The following MANBA variants were observed in gnomAD, a reference collection of about 807,000 sequenced individuals.
MANBA encodes mannosidase beta.
In MANBA, 83 loss-of-function variants were observed where a neutral mutation model predicts 111.1. That is an observed-to-expected ratio of 0.75 (90% CI 0.63 to 0.90). MANBA has a LOEUF of 0.90. MANBA is among the 40% of genes least tolerant of loss of function. The pLI, the probability that MANBA is intolerant of heterozygous loss-of-function variation, is 0.00. For missense variants in MANBA, 1,036 were observed against 1,069.0 expected (o/e 0.97, Z 0.43); for synonymous variants, 370 against 378.7 (o/e 0.98, Z 0.27).
chr4:102,685,933 GACTGAA>G (rs1732189502), intron 7 of MANBA, among the ~76,000 whole-genome samples: 2 of 152,066 alleles, frequency 1.3e-5, no homozygotes, highest in East Asian at 3.9e-4. Flanking sequence ...GAAGACTGAA[GACTGAA>G]GACTGAAGGC....
intron 1 of MANBA, among the ~76,000 whole-genome samples, chr4:102,756,137 GTAT>G (rs1655277605): frequency 6.6e-6 from 1 of 152,204 alleles, no homozygotes; most frequent in African/African-American, 2.4e-5. Flanking sequence ...TATACCCAAA[GTAT>G]TATAAATCAT....
In MANBA at chr4:102,723,926, G is replaced by T; in HGVS notation, c.314C>A (p.Thr105Lys). The change falls in exon 3 of 17, where the codon ACG (threonine) becomes AAG (lysine). Residue 105 changes from threonine (T) to lysine (K), a missense_variant. Physicochemically the swap from Thr to Lys is moderately conservative, Grantham distance 78. Coordinates refer to ENST00000647097, the MANE Select transcript of MANBA (RefSeq NM_005908.4). ...TTCATTGAACAGGATTTTTGAAACCGTATCCACTCCCTCAAGAATCAAATT... is the reference window on the plus strand; with the variant it reads ...TTCATTGAACAGGATTTTTGAAACCTTATCCACTCCCTCAAGAATCAAATT... ...KVNLILEGVD[T>K]VSKILFNEVT... 1 of 1,610,390 alleles carries T rather than the reference G, an allele frequency of 6.2e-7. No homozygotes were observed.
At chr4:102,663,176 T>C (rs566233983) in intron 11 of MANBA, 1 of 147,380 alleles carries the variant, frequency 6.8e-6, no homozygotes, top group Non-Finnish European at 1.5e-5. Flanking sequence ...ATTTTAACTT[T>C]AAAAAAAAAA....
At chr4:102,742,892 C>T (rs1433583576) in intron 1 of MANBA, among the ~76,000 whole-genome samples, 1 of 149,874 alleles carries the variant, frequency 6.7e-6, no homozygotes, top group African/African-American at 2.5e-5. Flanking sequence ...GGCTCAGTGT[C>T]GGTCTCTGCT....
intron 1 of MANBA, among the ~76,000 whole-genome samples, chr4:102,754,319 T>C (rs1045562246): frequency 1.6e-4 from 24 of 152,168 alleles, no homozygotes; most frequent in African/African-American, 4.8e-4. Flanking sequence ...TAAATATTTG[T>C]CTAAGAAAAT....
intron 11 of MANBA, among the ~76,000 whole-genome samples, chr4:102,659,989 C>T (rs560518418): frequency 2.6e-5 from 4 of 152,210 alleles, no homozygotes; most frequent in South Asian, 2.1e-4. Flanking sequence ...CATGGCTTCC[C>T]GTCACATGGA....
At chr4:102,690,802 T>C (rs747430685) in intron 5 of MANBA, 31 bp from the exon 6 acceptor site, 33 of 732,992 alleles carry the variant, frequency 4.5e-5, no homozygotes, top group African/African-American at 1.5e-4. Context: ...GAAATATATA[T>C]ATATATATAT....
intron 9 of MANBA, 99 bp downstream of exon 9, chr4:102,671,182 C>G: frequency 1.2e-6 from 1 of 837,098 alleles, no homozygotes; most frequent in Non-Finnish European, 2.1e-6. Flanking sequence ...AATATCATTC[C>G]TAGCTCTGAG....
At chr4:102,686,879 C>A (rs1732241753) in intron 7 of MANBA, among the ~76,000 whole-genome samples, 1 of 152,150 alleles carries the variant, frequency 6.6e-6, no homozygotes, top group East Asian at 1.9e-4. Context: ...CTACAATTAT[C>A]TACATTCTGC....
At chr4:102,728,901 A>G (rs1465463070) in intron 1 of MANBA, 3 of 751,292 alleles carry the variant, frequency 4.0e-6, no homozygotes, top group Non-Finnish European at 7.1e-6. Flanking sequence ...CCACAGGCCG[A>G]GCTCAGATCA....
rs2110216824 is a variant in MANBA at position 102,664,715 on chromosome 4, A to G, written c.1455T>C (p.Tyr485=). 1 of 1,613,374 alleles carries G rather than the reference A, an allele frequency of 6.2e-7. No homozygotes were observed. The highest frequency in any genetic ancestry group is 1.1e-5 in the South Asian group (1 of 91,070). Residue 485 remains tyrosine (Y), a synonymous_variant, in exon 11 of 17, where the codon TAT becomes TAC. Coordinates refer to ENST00000647097, the MANE Select transcript of MANBA (RefSeq NM_005908.4). The stretch of plus-strand genomic sequence containing the variant: ...GTACGAGCTCTCTGATGTTTTTCAC[A>G]TAGAGTGTCACATAGTCCTTGATGT... ...PIYIKDYVTL[Y]VKNIRELVLA...
intron 5 of MANBA, 132 bp downstream of exon 5, chr4:102,714,306 T>C (rs1722228457): frequency 2.2e-6 from 2 of 912,880 alleles, no homozygotes; most frequent in East Asian, 2.5e-5. Context: ...TTTACTTTTA[T>C]AAATTGATTG....
intron 5 of MANBA, among the ~76,000 whole-genome samples, chr4:102,710,328 C>CCT (rs1227164204): frequency 3.3e-5 from 5 of 151,974 alleles, no homozygotes; most frequent in Non-Finnish European, 5.9e-5. Flanking sequence ...GACACAAAGT[C>CCT]AACATACAAA....
intron 1 of MANBA, among the ~76,000 whole-genome samples, chr4:102,749,766 T>C (rs1419779793): frequency 1.3e-5 from 2 of 152,212 alleles, no homozygotes; most frequent in African/African-American, 4.8e-5. Context: ...GAAAAGTGCA[T>C]CACACGTGGA....
In MANBA at chr4:102,748,343, A is replaced by G. The variant is rs908555117; in HGVS notation, c.177+12375T>C. 2.0e-5 allele frequency among the ~76,000 whole-genome samples: 3 copies of G among 152,216 alleles called. No individual in the cohort carries two copies. In the South Asian group the frequency reaches 6.2e-4, roughly 32 times the overall value. ...GTTCTTGGTACATAGTGTGCACTCA[A>G]AAATGATAGCTATCTTTTCTATTAC... On this transcript the variant is annotated intron_variant, in intron 1 of 16. Transcript: ENST00000647097.
At chr4:102,714,408 AAG>A in intron 5 of MANBA, 28 bp downstream of exon 5, 2 of 1,587,736 alleles carry the variant, frequency 1.3e-6, no homozygotes, top group Non-Finnish European at 1.7e-6. Context: ...AAGACTCAAA[AAG>A]AAAAAAAAAT....
intron 7 of MANBA, among the ~76,000 whole-genome samples, chr4:102,683,867 T>C (rs907363405): frequency 6.6e-6 from 1 of 152,224 alleles, no homozygotes; most frequent in Non-Finnish European, 1.5e-5. Flanking sequence ...TTCCCTATAT[T>C]ACCTCCCTTC....
At position 102,664,754 on chromosome 4, in the gene MANBA, A is replaced by G; in HGVS notation, c.1416T>C (p.Thr472=). Residue 472 remains threonine, a synonymous_variant, in exon 11 of 17, where the codon ACT becomes ACC. Coordinates refer to ENST00000647097, the MANE Select transcript of MANBA (RefSeq NM_005908.4). ...AGTCCTTGATGTAGATTGGCCGGTC[A>G]GTGAAACTGATATGATACCAATTCA... ...LMMNWYHISF[T]DRPIYIKDYV... The G allele has an allele frequency of 6.2e-7, 1 of 1,612,410 alleles. No homozygotes were observed. The highest frequency in any genetic ancestry group is 8.5e-7 in the Non-Finnish European group (1 of 1,178,326).
chr4:102,690,657 G>A lies in MANBA; in HGVS notation c.788C>T (p.Thr263Ile). Residue 263 changes from threonine to isoleucine, a missense_variant, in exon 6 of 17, where the codon ACA becomes ATA. Transcript: ENST00000647097. Reference protein sequence around the residue: ...VAIPKLQTQQTYSIELQPGKR... With the variant: ...VAIPKLQTQQIYSIELQPGKR... ...CCCAGGTTGAAGTTCAATGCTGTATGTCTGTTGTGTTTGCAACTTAGGGAT... is the reference window on the plus strand; with the variant it reads ...CCCAGGTTGAAGTTCAATGCTGTATATCTGTTGTGTTTGCAACTTAGGGAT... 6.2e-7 allele frequency: 1 copy of A among 1,612,392 alleles called. No individual in the cohort carries two copies. Among genetic ancestry groups the A allele is most frequent in the Non-Finnish European group, 8.5e-7 (1 of 1,178,830 alleles).
Sources: allele counts gnomAD v4.1 joint callset (sites outside exome capture counted in the v4.1 genomes callset), GRCh38; gene constraint gnomAD v4.1.1; transcripts MANE v1.5; gene names NCBI Gene and HGNC (gene_info 2026-07-23, HGNC 2026-07-21).